Variants in SH3BP5 observed in about 807,000 individuals in gnomAD.
SH3BP5 encodes the protein SH3 domain-binding protein 5.
SH3BP5 carries 22 observed loss-of-function variants against 43.3 expected under a neutral mutation model. The observed-to-expected ratio is 0.51, with a 90% CI of 0.36 to 0.73. The LOEUF (loss-of-function observed/expected upper bound fraction) is 0.73, where lower values mean the gene tolerates loss of function less well. Among genes scored for constraint, SH3BP5 ranks in the 30% least tolerant of loss-of-function variants. SH3BP5 has a pLI of 0.00. For missense variants in SH3BP5, 529 were observed against 586.9 expected (o/e 0.90, Z 1.02); for synonymous variants, 255 against 225.8 (o/e 1.13, Z -1.16).
chr3:15,294,328 TGTGCGC>T lies in SH3BP5; in HGVS notation c.330+9769_330+9774del, dbSNP rs1359888600. On this transcript the variant is annotated intron_variant, in intron 3 of 8. Coordinates refer to ENST00000383791, the MANE Select transcript of SH3BP5 (RefSeq NM_004844.5). Reference sequence around the variant, plus strand: ...GTGTGTGTGTGTGTGTGTGTGTGTGTGTGCGCGCGCATGTTTACGTAACTCCCCCTC... The same window carrying T: ...GTGTGTGTGTGTGTGTGTGTGTGTGTGCGCATGTTTACGTAACTCCCCCTC... Among the ~76,000 whole-genome samples the T allele has an allele frequency of 7.2e-3, 933 of 128,960 alleles. 12 individuals carry two copies. The highest frequency in any genetic ancestry group is 0.029 in the African/African-American group (872 of 30,116). The allele number at this position is 128,960 out of a possible 152,430, so 84.6% of individuals were successfully genotyped here. A position where few individuals can be genotyped will look rare whatever the true frequency, so the allele number is the denominator to read the frequency against.
chr3:15,323,164 A>AAATAAAGC (rs1263243705), intron 2 of SH3BP5, among the ~76,000 whole-genome samples: 1 of 147,098 alleles, frequency 6.8e-6, no homozygotes, highest in Admixed American at 6.9e-5. Flanking sequence ...ATAAATAAAT[A>AAATAAAGC]AAGCAGGGCT....
intron 8 of SH3BP5, 71 bp from the exon 9 acceptor site, chr3:15,256,374 A>G: frequency 1.3e-6 from 2 of 1,489,220 alleles, no homozygotes; most frequent in Non-Finnish European, 1.8e-6. Flanking sequence ...AAATACAAAG[A>G]TTATCAAAAG....
chr3:15,265,927 G>A (rs375703697), intron 4 of SH3BP5, among the ~76,000 whole-genome samples: 352 of 152,234 alleles, frequency 2.3e-3, no homozygotes, highest in African/African-American at 8.0e-3. Context: ...GGCACTGATT[G>A]GGTGTTTCAA....
At chr3:15,335,988 G>T (rs570033635), upstream of SH3BP5, among the ~76,000 whole-genome samples, 10 of 152,264 alleles carry the variant, frequency 6.6e-5, no homozygotes, top group South Asian at 2.1e-3. Context: ...ATGCATACTG[G>T]TCAGGTATGG....
intron 3 of SH3BP5, among the ~76,000 whole-genome samples, chr3:15,275,383 T>A (rs1696933671): frequency 6.6e-6 from 1 of 152,230 alleles, no homozygotes; most frequent in Admixed American, 6.5e-5. Flanking sequence ...GTTCTCACCA[T>A]CATATGAAAG....
chr3:15,265,520 A>AGT, intron 4 of SH3BP5, among the ~76,000 whole-genome samples: 1 of 120,180 alleles, frequency 8.3e-6, no homozygotes. Flanking sequence ...CGTCACACAC[A>AGT]CACACACACA....
chr3:15,300,510 G>C (rs1004552831), intron 3 of SH3BP5, among the ~76,000 whole-genome samples: 1 of 145,920 alleles, frequency 6.9e-6, no homozygotes. Flanking sequence ...GCGGGGGCGG[G>C]GGGACAAGAG....
chr3:15,259,667 G>C, intron 6 of SH3BP5, 94 bp downstream of exon 6: 2 of 1,138,272 alleles, frequency 1.8e-6, no homozygotes, highest in South Asian at 1.2e-5. Flanking sequence ...TCCCCTTATA[G>C]CAAGTGGCCC....
At chr3:15,273,166 T>C in intron 3 of SH3BP5, 1 of 985,456 alleles carries the variant, frequency 1.0e-6, no homozygotes, top group Non-Finnish European at 1.2e-6. Context: ...CACAGGATCC[T>C]AAAATGGGAT....
chr3:15,312,272 G>A (rs1698078586), intron 2 of SH3BP5, among the ~76,000 whole-genome samples: 1 of 152,166 alleles, frequency 6.6e-6, no homozygotes, highest in Non-Finnish European at 1.5e-5. Context: ...GCGAAAGCAT[G>A]TACAACAATT....
intron 2 of SH3BP5, among the ~76,000 whole-genome samples, chr3:15,310,355 T>C (rs1698024395): frequency 6.6e-6 from 1 of 152,250 alleles, no homozygotes. Context: ...TAGTTCAACC[T>C]AGCTTTTATA....
intron 2 of SH3BP5, among the ~76,000 whole-genome samples, chr3:15,322,211 A>AT (rs1332527692): frequency 1.3e-5 from 2 of 151,862 alleles, no homozygotes; most frequent in African/African-American, 4.8e-5. Context: ...TCAAAAAAAA[A>AT]AATAATAACT....
intron 3 of SH3BP5, among the ~76,000 whole-genome samples, chr3:15,294,173 T>A (rs1697494675): frequency 6.7e-6 from 1 of 150,318 alleles, no homozygotes; most frequent in Admixed American, 6.6e-5. Flanking sequence ...ATAATGTACA[T>A]AAAAGACCTA....
At chr3:15,258,743 C>T in intron 7 of SH3BP5, 88 bp downstream of exon 7, 1 of 1,219,680 alleles carries the variant, frequency 8.2e-7, no homozygotes. Context: ...TGAGACCTTT[C>T]ACTGATGGCC....
At chr3:15,322,118 G>C (rs1258625412) in intron 2 of SH3BP5, among the ~76,000 whole-genome samples, 1 of 151,888 alleles carries the variant, frequency 6.6e-6, no homozygotes, top group Non-Finnish European at 1.5e-5. Flanking sequence ...CAGGAGAATC[G>C]CTTGAACCTG....
upstream of SH3BP5, among the ~76,000 whole-genome samples, chr3:15,335,522 C>T (rs147695466): frequency 8.6e-5 from 13 of 151,788 alleles, no homozygotes; most frequent in Admixed American, 6.6e-4. Context: ...GCAGTGACCC[C>T]GATCATGCCA....
chr3:15,276,290 G>A (rs1387178851), intron 3 of SH3BP5, among the ~76,000 whole-genome samples: 3 of 152,150 alleles, frequency 2.0e-5, no homozygotes, highest in Non-Finnish European at 4.4e-5. Context: ...GTCCAAGACA[G>A]GAGGGAGTTT....
intron 2 of SH3BP5, among the ~76,000 whole-genome samples, chr3:15,308,203 C>A (rs1697963241): frequency 6.6e-6 from 1 of 152,090 alleles, no homozygotes; most frequent in African/African-American, 2.4e-5. Flanking sequence ...TGAATACAAC[C>A]CACCAACGCT....
Position 15,314,660 on chromosome 3 carries a change from C to T in SH3BP5, c.202-10429G>A, listed in dbSNP as rs190512186. On this transcript the variant is annotated intron_variant, in intron 2 of 8. Coordinates refer to ENST00000383791, the MANE Select transcript of SH3BP5 (RefSeq NM_004844.5). Reference sequence around the variant, plus strand: ...TGCTCATGGCATAGGCCCAATTCCACAGCAGTTTGTGTCATCCAACTAGAA... The same window carrying T: ...TGCTCATGGCATAGGCCCAATTCCATAGCAGTTTGTGTCATCCAACTAGAA... Among the ~76,000 whole-genome samples, 354 of 152,350 alleles carry T rather than the reference C, an allele frequency of 2.3e-3. 2 individuals are homozygous for T. The highest frequency in any genetic ancestry group is 8.1e-3 in the African/African-American group (338 of 41,578).
Sources: gnomAD v4.1 joint callset for allele counts (sites outside exome capture counted in the v4.1 genomes callset) on GRCh38, gnomAD v4.1.1 for gene constraint, MANE v1.5 for transcripts, NCBI Gene and HGNC (gene_info 2026-07-23, HGNC 2026-07-21) for gene names.